MUC5AC: variants seen among roughly 807,000 people sequenced by gnomAD.
The protein encoded by MUC5AC is mucin-5AC.
In MUC5AC, 158 loss-of-function variants were observed where a neutral mutation model predicts 169.7. The ratio of observed to expected loss-of-function variants is 0.93; its 90% CI spans 0.82 to 1.06. MUC5AC has a LOEUF of 1.06. MUC5AC is among the 50% of genes least tolerant of loss of function. The pLI is 0.00. For synonymous variants in MUC5AC, 1,975 were observed against 1,237.0 expected, an observed-to-expected ratio of 1.60 and a Z score of -12.52; for missense variants, 4,359 against 3,089.9, an observed-to-expected ratio of 1.41 and a Z score of -9.74.
rs755966356 is a variant in MUC5AC at position 1,200,640 on chromosome 11, C to A, written c.16903C>A (p.Pro5635Thr). 2.6e-6 allele frequency: 2 copies of A among 763,644 alleles called. No individual in the cohort carries two copies. The highest frequency in any genetic ancestry group is 2.7e-5 in the South Asian group (2 of 74,512). The allele number at this position is 763,644 out of a possible 1,614,324, so 47.3% of individuals were successfully genotyped here. ...GCACTCGGAGGAGGCGGAACCCGAG[C>A]CCAGCCAGGAGGCAGAGAGTGGGAG... ...TQHSEEAEPE[P>T]SQEAESGSWE... Residue 5635 changes from proline to threonine, a missense_variant, in exon 49 of 49, where the codon CCC (proline) becomes ACC (threonine). By Grantham distance (38) the Pro-to-Thr change is conservative (BLOSUM62 -1). Transcript: ENST00000621226.
chr11:1,175,689 C>CG (rs1860659671), intron 19 of MUC5AC, among the ~76,000 whole-genome samples: 1 of 130,328 alleles, frequency 7.7e-6, no homozygotes, highest in Non-Finnish European at 1.6e-5. Flanking sequence ...CTCATGCACA[C>CG]ACACCCATTC....
chr11:1,175,147 C>T lies in MUC5AC; in HGVS notation c.2348+10C>T, dbSNP rs1301734131. 1.1e-5 allele frequency: 4 copies of T among 348,982 alleles called. No individual in the cohort carries two copies. Among genetic ancestry groups the T allele is most frequent in the Admixed American group, 6.0e-5 (1 of 16,728 alleles). 21.6% of individuals were successfully genotyped at this position (348,982 alleles called of 1,614,324 possible). On this transcript the variant is annotated intron_variant, in intron 18 of 48. Coordinates refer to ENST00000621226, the MANE Select transcript of MUC5AC (RefSeq NM_001304359.2). ...ACAGCGGGGCTATCTGGTAAGAGCTCCCGCTGTGGACTGGGGGGTCCCTCG... is the reference window on the plus strand; with the variant it reads ...ACAGCGGGGCTATCTGGTAAGAGCTTCCGCTGTGGACTGGGGGGTCCCTCG...
intron 1 of MUC5AC, among the ~76,000 whole-genome samples, chr11:1,158,467 A>G (rs757881343): frequency 2.0e-5 from 3 of 152,074 alleles, no homozygotes; most frequent in Middle Eastern, 3.2e-3. Flanking sequence ...TGCACACCCC[A>G]CACATGCCCA....
chr11:1,170,472 TTCACCCACTCACCCACTCAC>T (rs1860475619), intron 15 of MUC5AC, among the ~76,000 whole-genome samples: 1 of 51,426 alleles, frequency 1.9e-5, no homozygotes, highest in Non-Finnish European at 3.8e-5. Flanking sequence ...GACTCACCCA[TTCACCCACTCACCCACTCAC>T]TCACCCACTC....
In MUC5AC at chr11:1,179,128, G is replaced by A. The variant is rs1250005102; in HGVS notation, c.3364G>A (p.Asp1122Asn). The change falls in exon 26 of 49, where the codon GAC (aspartate) becomes AAC (asparagine). Residue 1122 changes from aspartate to asparagine, a missense_variant. Physicochemically the swap from Asp to Asn is conservative, Grantham distance 23. Transcript: ENST00000621226. ...CAGGTACTACGAGGCCTGCGTGAAC[G>A]ACGCGTGCGCCTGCGACTCCGGGGG... ...PARYYEACVNDACACDSGGDC... is the reference protein window; with the variant it reads ...PARYYEACVNNACACDSGGDC... The A allele has an allele frequency of 9.4e-6, 6 of 638,780 alleles. No homozygotes were observed. Among genetic ancestry groups the A allele is most frequent in the East Asian group, 2.8e-5 (1 of 36,280 alleles). The allele number at this position is 638,780 out of a possible 1,614,324, so 39.6% of individuals were successfully genotyped here. A position where few individuals can be genotyped will look rare whatever the true frequency, so the allele number is the denominator to read the frequency against.
At chr11:1,160,379 A>G (rs1236763256) in intron 1 of MUC5AC, among the ~76,000 whole-genome samples, 1 of 152,002 alleles carries the variant, frequency 6.6e-6, no homozygotes, top group African/African-American at 2.4e-5. Context: ...CACCTGCTCC[A>G]TGGGGCCAGG....
At position 1,191,864 on chromosome 11, in the gene MUC5AC, C is replaced by T. The variant is rs371949490; in HGVS notation, c.13719C>T (p.Pro4573=). The T allele has an allele frequency of 7.1e-5, 54 of 759,132 alleles. No individual in the cohort carries two copies. Among genetic ancestry groups the T allele is most frequent in the Non-Finnish European group, 1.2e-4 (48 of 416,224 alleles). The allele number at this position is 759,132 out of a possible 1,614,324, so 47.0% of individuals were successfully genotyped here. A position where few individuals can be genotyped will look rare whatever the true frequency, so the allele number is the denominator to read the frequency against. ...CTGGAACTACTCCCAGCCCTGTTCCCACCACCAGCACAACCTCTGCTCCTA... is the reference window on the plus strand; with the variant it reads ...CTGGAACTACTCCCAGCCCTGTTCCTACCACCAGCACAACCTCTGCTCCTA... ...SGPGTTPSPV[P]TTSTTSAPTT... Residue 4573 remains proline, a synonymous_variant, in exon 31 of 49, where the codon CCC becomes CCT. Coordinates refer to ENST00000621226, the MANE Select transcript of MUC5AC (RefSeq NM_001304359.2).
chr11:1,180,136 T>G lies in MUC5AC; in HGVS notation c.3599T>G (p.Val1200Gly), dbSNP rs1252870335. 1 of 396,242 alleles carries G rather than the reference T, an allele frequency of 2.5e-6. No homozygotes were observed. Among genetic ancestry groups the G allele is most frequent in the Non-Finnish European group, 4.4e-6 (1 of 225,610 alleles). 24.5% of individuals were successfully genotyped at this position (396,242 alleles called of 1,614,324 possible). ...CCCCGTGGAGACTGCCTGCGGGACG[T>G]CCGGGGCCTGGAAGGTGGGCTGGGG... The part of the protein sequence containing the change: ...RNPRGDCLRD[V>G]RGLEGCYPKC... Residue 1200 changes from valine to glycine, a missense_variant, in exon 27 of 49, where the codon GTC becomes GGC. Physicochemically the swap from Val to Gly is moderately radical, Grantham distance 109. Coordinates refer to ENST00000621226, the MANE Select transcript of MUC5AC (RefSeq NM_001304359.2).
In MUC5AC at chr11:1,183,782, C is replaced by A. The variant is rs1165460327; in HGVS notation, c.5637C>A (p.Ser1879=). ...CCACTGAAACCCAGGCCTCAGGCTCCTCAGCCCCCAGCAGCACACCTGGCA... is the reference window on the plus strand; with the variant it reads ...CCACTGAAACCCAGGCCTCAGGCTCATCAGCCCCCAGCAGCACACCTGGCA... ...SKTTETQASG[S]SAPSSTPGTV... is the part of the protein sequence containing the mutation. Residue 1879 remains serine (S), a synonymous_variant, in exon 31 of 49, where the codon TCC becomes TCA. Coordinates refer to ENST00000621226, the MANE Select transcript of MUC5AC (RefSeq NM_001304359.2). 2.2e-6 allele frequency: 1 copy of A among 447,478 alleles called. No homozygotes were observed. Among genetic ancestry groups the A allele is most frequent in the East Asian group, 3.5e-5 (1 of 28,774 alleles). 27.7% of individuals were successfully genotyped at this position (447,478 alleles called of 1,614,324 possible). A position where few individuals can be genotyped will look rare whatever the true frequency, so the allele number is the denominator to read the frequency against.
chr11:1,192,947 G>A lies in MUC5AC; in HGVS notation c.14545G>A (p.Glu4849Lys). 1.3e-6 allele frequency: 1 copy of A among 744,186 alleles called. No individual in the cohort carries two copies. Among genetic ancestry groups the A allele is most frequent in the Non-Finnish European group, 2.5e-6 (1 of 406,254 alleles). 46.1% of individuals were successfully genotyped at this position (744,186 alleles called of 1,614,324 possible). A position where few individuals can be genotyped will look rare whatever the true frequency, so the allele number is the denominator to read the frequency against. Reference sequence around the variant, plus strand: ...AATATCCACCTCCGAGCCCGTCACTGAGCTGGGATGCCCAAATGCGGTTCC... The same window carrying A: ...AATATCCACCTCCGAGCCCGTCACTAAGCTGGGATGCCCAAATGCGGTTCC... ...PSISTSEPVT[E>K]LGCPNAVPPR... Residue 4849 changes from glutamate (E) to lysine (K), a missense_variant, in exon 32 of 49, where the codon GAG becomes AAG. Transcript: ENST00000621226.
Position 1,164,307 on chromosome 11 carries a change from C to T in MUC5AC, c.991C>T (p.Pro331Ser). Reference sequence around the variant, plus strand: ...GGGGTTGCCCCAGGACTGGCGGGGCCCTGACTTCTGCCGTGAGTGTCCCAG... The same window carrying T: ...GGGGTTGCCCCAGGACTGGCGGGGCTCTGACTTCTGCCGTGAGTGTCCCAG... ...AGGLPQDWRG[P>S]DFCPQKCPNN... is the part of the protein sequence containing the mutation. The change falls in exon 8 of 49, where the codon CCT becomes TCT. Residue 331 changes from proline (P) to serine (S), a missense_variant. Transcript: ENST00000621226. 6.2e-7 allele frequency: 1 copy of T among 1,612,178 alleles called. No homozygotes were observed.
In MUC5AC at chr11:1,165,413, C is replaced by G; in HGVS notation, c.1241C>G (p.Thr414Ser). 1 of 1,601,620 alleles carries G rather than the reference C, an allele frequency of 6.2e-7. No homozygotes were observed. The highest frequency in any genetic ancestry group is 8.5e-7 in the Non-Finnish European group (1 of 1,176,910). ...GGGGCCACCTACTCCACAGACTGCACCAACTGGTAGGTCCCAGCCCCCCTC... is the reference window on the plus strand; with the variant it reads ...GGGGCCACCTACTCCACAGACTGCAGCAACTGGTAGGTCCCAGCCCCCCTC... ...APGATYSTDC[T>S]NCTCSGGRWS... The change falls in exon 10 of 49, where the codon ACC becomes AGC. Residue 414 changes from threonine (T) to serine (S), a missense_variant. Coordinates refer to ENST00000621226, the MANE Select transcript of MUC5AC (RefSeq NM_001304359.2).
At position 1,185,871 on chromosome 11, in the gene MUC5AC, C is replaced by T. The variant is rs1564914149; in HGVS notation, c.7726C>T (p.Pro2576Ser). The change falls in exon 31 of 49, where the codon CCT (proline) becomes TCT (serine). Residue 2576 changes from proline to serine, a missense_variant. Pro to Ser is a moderately conservative substitution (Grantham distance 74, BLOSUM62 -1). Transcript: ENST00000621226. ...SGPGTTPSPV[P>S]TTSTTSAPTT... ...TCCTGGAACTACTCCCAGCCCTGTTCCTACCACGAGCACAACCTCTGCTCC... is the reference window on the plus strand; with the variant it reads ...TCCTGGAACTACTCCCAGCCCTGTTTCTACCACGAGCACAACCTCTGCTCC... 4 of 747,768 alleles carry T rather than the reference C, an allele frequency of 5.3e-6. No individual in the cohort carries two copies. The highest frequency in any genetic ancestry group is 9.8e-6 in the Non-Finnish European group (4 of 409,620). The allele number at this position is 747,768 out of a possible 1,614,324, so 46.3% of individuals were successfully genotyped here.
intron 15 of MUC5AC, among the ~76,000 whole-genome samples, chr11:1,170,473 TCACCCACTCACC>T (rs1860475757): frequency 9.6e-6 from 1 of 103,706 alleles, no homozygotes; most frequent in Non-Finnish European, 2.0e-5. Context: ...ACTCACCCAT[TCACCCACTCACC>T]CACTCACTCA....
At position 1,198,280 on chromosome 11, in the gene MUC5AC, G is replaced by A; in HGVS notation, c.16148G>A (p.Cys5383Tyr). 1 of 755,310 alleles carries A rather than the reference G, an allele frequency of 1.3e-6. No individual in the cohort carries two copies. Among genetic ancestry groups the A allele is most frequent in the Non-Finnish European group, 2.4e-6 (1 of 413,746 alleles). 46.8% of individuals were successfully genotyped at this position (755,310 alleles called of 1,614,324 possible). ...CPVQNCSWTV[C>Y]SINGTLYQPG... ...TTCTCGTGGGCAGGCTGGACAGTGT[G>A]CAGCATCAACGGGACCCTGTACCAG... The change falls in exon 43 of 49, where the codon TGC (cysteine) becomes TAC (tyrosine). Residue 5383 changes from cysteine (C) to tyrosine (Y), a missense_variant. Coordinates refer to ENST00000621226, the MANE Select transcript of MUC5AC (RefSeq NM_001304359.2).
chr11:1,169,269 C>T (rs1038976661), intron 15 of MUC5AC: 107 of 701,724 alleles, frequency 1.5e-4, no homozygotes, highest in Non-Finnish European at 1.8e-4. Flanking sequence ...GGTCAACATC[C>T]GCCCTGACCG....
At chr11:1,161,307 C>T (rs527353994) in intron 2 of MUC5AC, among the ~76,000 whole-genome samples, 300 of 125,442 alleles carry the variant, frequency 2.4e-3, no homozygotes, top group African/African-American at 8.5e-3. Flanking sequence ...TGGTGACAGC[C>T]GGGAGGAATG....
chr11:1,169,305 TG>T (rs2133728546), intron 15 of MUC5AC, among the ~76,000 whole-genome samples: 1 of 152,160 alleles, frequency 6.6e-6, no homozygotes, highest in South Asian at 2.1e-4. Context: ...GGTGGAGTGG[TG>T]GGGACGTGGG....
chr11:1,192,873 G>T lies in MUC5AC; in HGVS notation c.14471G>T (p.Ser4824Ile). ...TGCCAAGTGGTCAGAGGGGTTGACAGTGACTGTCCGTCCACCACGCTGCCT... is the reference window on the plus strand; with the variant it reads ...TGCCAAGTGGTCAGAGGGGTTGACATTGACTGTCCGTCCACCACGCTGCCT... Reference protein sequence around the residue: ...QDCQVVRGVDSDCPSTTLPPA... With the variant: ...QDCQVVRGVDIDCPSTTLPPA... Residue 4824 changes from serine to isoleucine, a missense_variant, in exon 32 of 49, where the codon AGT becomes ATT. By Grantham distance (142) the Ser-to-Ile change is moderately radical (BLOSUM62 -2). Transcript: ENST00000621226. 1.3e-6 allele frequency: 1 copy of T among 764,874 alleles called. No homozygotes were observed. Among genetic ancestry groups the T allele is most frequent in the African/African-American group, 1.7e-5 (1 of 59,214 alleles). 47.4% of individuals were successfully genotyped at this position (764,874 alleles called of 1,614,324 possible). A position where few individuals can be genotyped will look rare whatever the true frequency, so the allele number is the denominator to read the frequency against.
Sources: gnomAD v4.1 joint callset for allele counts (sites outside exome capture counted in the v4.1 genomes callset) on GRCh38, gnomAD v4.1.1 for gene constraint, MANE v1.5 for transcripts, NCBI Gene and HGNC (gene_info 2026-07-23, HGNC 2026-07-21) for gene names.